BNC2: variants seen among roughly 807,000 people sequenced by gnomAD.
The protein encoded by BNC2 is zinc finger protein basonuclin-2.
In BNC2, 20 loss-of-function variants were observed where a neutral mutation model predicts 76.3. The observed-to-expected ratio is 0.26, with a 90% CI of 0.18 to 0.38. The LOEUF (loss-of-function observed/expected upper bound fraction) is 0.38. Ranked by LOEUF, BNC2 falls within the 10% of genes least tolerant of loss-of-function variation. The pLI, the probability that BNC2 is intolerant of heterozygous loss-of-function variation, is 1.00. For synonymous variants in BNC2, 582 were observed against 514.8 expected (o/e 1.13, Z -1.77); for missense variants, 1,382 against 1,399.8 (o/e 0.99, Z 0.20).
At chr9:16,801,702 A>C (rs937556984) in intron 1 of BNC2, among the ~76,000 whole-genome samples, 1 of 147,926 alleles carries the variant, frequency 6.8e-6, no homozygotes, top group Non-Finnish European at 1.5e-5. Context: ...AGAAGCTGAA[A>C]TATTTTATTC....
intron 5 of BNC2, among the ~76,000 whole-genome samples, chr9:16,502,139 G>A (rs1248233241): frequency 1.3e-5 from 2 of 152,054 alleles, no homozygotes; most frequent in African/African-American, 2.4e-5. Flanking sequence ...GAGATGGGAG[G>A]ATAACTTGAG....
At chr9:16,519,267 C>T (rs1817542652) in intron 5 of BNC2, among the ~76,000 whole-genome samples, 1 of 152,110 alleles carries the variant, frequency 6.6e-6, no homozygotes, top group South Asian at 2.1e-4. Flanking sequence ...GTGATTCTTA[C>T]AGAAGAAATT....
intron 5 of BNC2, among the ~76,000 whole-genome samples, chr9:16,509,545 A>G (rs997595896): frequency 6.6e-6 from 1 of 152,238 alleles, no homozygotes; most frequent in African/African-American, 2.4e-5. Flanking sequence ...TCCTCTGTGC[A>G]TATCCATCCC....
At chr9:16,701,972 A>T (rs921437925) in intron 3 of BNC2, among the ~76,000 whole-genome samples, 15 of 151,984 alleles carry the variant, frequency 9.9e-5, no homozygotes, top group Non-Finnish European at 2.2e-4. Flanking sequence ...AACCACAATA[A>T]TATTAATGTA....
chr9:16,868,305 A>G (rs1819592860), intron 1 of BNC2: 1 of 152,200 alleles, frequency 6.6e-6, no homozygotes, highest in African/African-American at 2.4e-5. Context: ...CACTGAACTC[A>G]AGAACTCTCA....
intron 5 of BNC2, among the ~76,000 whole-genome samples, chr9:16,507,766 T>C (rs577008970): frequency 6.6e-6 from 1 of 152,262 alleles, no homozygotes; most frequent in African/African-American, 2.4e-5. Flanking sequence ...AACTTGCTCA[T>C]ATAGTAGGTC....
chr9:16,674,581 T>C (rs1223593664), intron 3 of BNC2, among the ~76,000 whole-genome samples: 1 of 152,212 alleles, frequency 6.6e-6, no homozygotes, highest in Non-Finnish European at 1.5e-5. Flanking sequence ...GTCTTTGATA[T>C]CAAACTTTTA....
intron 5 of BNC2, among the ~76,000 whole-genome samples, chr9:16,535,187 C>T (rs1052882700): frequency 2.0e-5 from 3 of 152,090 alleles, no homozygotes; most frequent in Non-Finnish European, 2.9e-5. Context: ...GGCAACGTTG[C>T]CCATATGTTT....
Position 16,709,587 on chromosome 9 carries a change from G to A in BNC2, c.330+18210C>T, listed in dbSNP as rs774412446. Reference sequence around the variant, plus strand: ...CCAGCATTCAGGAGCCTCATTAGAGGGACTATTTCTTTCTCAAGAAAAACC... The same window carrying A: ...CCAGCATTCAGGAGCCTCATTAGAGAGACTATTTCTTTCTCAAGAAAAACC... On this transcript the variant is annotated intron_variant, in intron 3 of 6. Coordinates refer to ENST00000380672, the MANE Select transcript of BNC2 (RefSeq NM_017637.6). Among the ~76,000 whole-genome samples, 90 of 151,996 alleles carry A rather than the reference G, an allele frequency of 5.9e-4. 1 individual carries two copies. Among genetic ancestry groups the A allele is most frequent in the Non-Finnish European group, 5.4e-4 (37 of 67,990 alleles).
chr9:16,682,358 T>C (rs779037548), intron 3 of BNC2, among the ~76,000 whole-genome samples: 2 of 147,334 alleles, frequency 1.4e-5, no homozygotes, highest in African/African-American at 2.6e-5. Flanking sequence ...GAGCAGCTTT[T>C]GGTTCACCCT....
chr9:16,852,213 A>G (rs1179984047), intron 1 of BNC2, among the ~76,000 whole-genome samples: 1 of 152,162 alleles, frequency 6.6e-6, no homozygotes, highest in African/African-American at 2.4e-5. Context: ...CCCCTTATAT[A>G]TATATCATGC....
intron 1 of BNC2, among the ~76,000 whole-genome samples, chr9:16,840,862 T>A (rs1287914379): frequency 6.6e-6 from 1 of 152,198 alleles, no homozygotes; most frequent in Non-Finnish European, 1.5e-5. Flanking sequence ...TCTTCACTAC[T>A]CTTTAAATAC....
intron 3 of BNC2, among the ~76,000 whole-genome samples, chr9:16,726,557 TTTAAAA>T (rs895216046): frequency 1.3e-4 from 3 of 23,782 alleles, no homozygotes; most frequent in African/African-American, 2.4e-4. Context: ...ACAAAAGCTT[TTTAAAA>T]AAAAAAAAAA....
At chr9:16,651,869 G>C (rs1587275439) in intron 3 of BNC2, among the ~76,000 whole-genome samples, 1 of 152,186 alleles carries the variant, frequency 6.6e-6, no homozygotes, top group Non-Finnish European at 1.5e-5. Flanking sequence ...ACGGAGAAGA[G>C]AGAAAGACGA....
intron 4 of BNC2, among the ~76,000 whole-genome samples, chr9:16,561,174 G>C (rs1214258432): frequency 6.6e-6 from 1 of 152,096 alleles, no homozygotes; most frequent in East Asian, 1.9e-4. Context: ...GGGAGGCAGA[G>C]GTGGCAGTGA....
At chr9:16,425,389 C>A (rs1235540828) in intron 6 of BNC2, among the ~76,000 whole-genome samples, 1 of 152,162 alleles carries the variant, frequency 6.6e-6, no homozygotes, top group African/African-American at 2.4e-5. Flanking sequence ...GCCTACACGA[C>A]TCCCCTCTCT....
intron 1 of BNC2, among the ~76,000 whole-genome samples, chr9:16,817,335 G>T (rs1818210527): frequency 6.6e-6 from 1 of 152,080 alleles, no homozygotes; most frequent in Non-Finnish European, 1.5e-5. Context: ...TGCCATTTGA[G>T]GACAACTTTG....
chr9:16,455,299 C>G (rs1821423193), intron 5 of BNC2, among the ~76,000 whole-genome samples: 1 of 152,152 alleles, frequency 6.6e-6, no homozygotes, highest in South Asian at 2.1e-4. Context: ...TTACAGAAGA[C>G]TTGGTAAGAC....
intron 1 of BNC2, among the ~76,000 whole-genome samples, chr9:16,806,446 A>G (rs1817914769): frequency 6.6e-6 from 1 of 152,252 alleles, no homozygotes; most frequent in African/African-American, 2.4e-5. Flanking sequence ...TTGAAGGTTC[A>G]CTTGGAACAT....
Sources: gnomAD v4.1 joint callset for allele counts (sites outside exome capture counted in the v4.1 genomes callset) on GRCh38, gnomAD v4.1.1 for gene constraint, MANE v1.5 for transcripts, NCBI Gene and HGNC (gene_info 2026-07-23, HGNC 2026-07-21) for gene names.